Variants in NINL observed in about 807,000 individuals in gnomAD.
The protein encoded by NINL is ninein-like protein.
In NINL, 153 loss-of-function variants were observed where a neutral mutation model predicts 160.3. That is an observed-to-expected ratio of 0.95 (90% CI 0.84 to 1.09). NINL has a LOEUF of 1.09. Among genes scored for constraint, NINL ranks in the 50% least tolerant of loss-of-function variants. NINL has a pLI of 0.00. For synonymous variants in NINL, 800 were observed against 734.8 expected, an observed-to-expected ratio of 1.09 and a Z score of -1.43; for missense variants, 1,829 against 1,764.0, an observed-to-expected ratio of 1.04 and a Z score of -0.66.
intron 2 of NINL, among the ~76,000 whole-genome samples, chr20:25,525,608 G>A (rs1204050512): frequency 2.0e-5 from 3 of 152,100 alleles, no homozygotes; most frequent in Non-Finnish European, 4.4e-5. Context: ...GAGCTGAGAC[G>A]GCTCCACTAC....
intron 1 of NINL, among the ~76,000 whole-genome samples, chr20:25,531,524 G>T (rs1008065940): frequency 3.9e-5 from 6 of 152,170 alleles, no homozygotes; most frequent in Non-Finnish European, 7.3e-5. Flanking sequence ...GTATTAATTT[G>T]GGGATCTAAT....
At position 25,498,327 on chromosome 20, in the gene NINL, T is replaced by G; in HGVS notation, c.1052A>C (p.Asp351Ala). The change falls in exon 9 of 24, where the codon GAC becomes GCC. Residue 351 changes from aspartate to alanine, a missense_variant. Transcript: ENST00000278886. ...EILQSLDFSVDEKVNLLELTW... is the reference protein window; with the variant it reads ...EILQSLDFSVAEKVNLLELTW... ...CAGCTCCAGAAGGTTCACCTTCTCG[T>G]CCACGCTGAAGTCCAGGCTCTGGAA... 6.2e-7 allele frequency: 1 copy of G among 1,612,964 alleles called. No homozygotes were observed. Among genetic ancestry groups the G allele is most frequent in the Non-Finnish European group, 8.5e-7 (1 of 1,180,008 alleles).
chr20:25,519,018 A>G (rs909337366), intron 2 of NINL, among the ~76,000 whole-genome samples: 12 of 147,988 alleles, frequency 8.1e-5, no homozygotes, highest in African/African-American at 2.8e-4. Context: ...AATCACTTGA[A>G]CCCAGGAGGC....
chr20:25,526,788 G>A (rs1015893623), intron 1 of NINL, among the ~76,000 whole-genome samples, 190 bp from the exon 2 acceptor site: 1 of 152,206 alleles, frequency 6.6e-6, no homozygotes, highest in African/African-American at 2.4e-5. Flanking sequence ...TTGCAGGAGA[G>A]GCCAGAGCAG....
intron 1 of NINL, among the ~76,000 whole-genome samples, chr20:25,564,985 C>T (rs1399477201): frequency 6.6e-6 from 1 of 152,114 alleles, no homozygotes; most frequent in Non-Finnish European, 1.5e-5. Flanking sequence ...CTGATGATTG[C>T]TGGAAGCTGA....
intron 1 of NINL, among the ~76,000 whole-genome samples, chr20:25,577,416 T>C (rs1249960000): frequency 2.0e-5 from 3 of 152,160 alleles, no homozygotes; most frequent in Non-Finnish European, 4.4e-5. Flanking sequence ...GGCCGGACAG[T>C]CCAGCACATC....
chr20:25,532,754 C>T (rs1430665294), intron 1 of NINL, among the ~76,000 whole-genome samples: 1 of 152,214 alleles, frequency 6.6e-6, no homozygotes, highest in Admixed American at 6.5e-5. Flanking sequence ...GACAATTTGC[C>T]AGCATATGGC....
chr20:25,580,596 A>C (rs1320227868), intron 1 of NINL, among the ~76,000 whole-genome samples: 3 of 152,192 alleles, frequency 2.0e-5, no homozygotes, highest in Admixed American at 1.3e-4. Flanking sequence ...CGGGTTCAGA[A>C]AGGGAAGTAC....
At chr20:25,548,462 G>A (rs1256277098) in intron 1 of NINL, among the ~76,000 whole-genome samples, 2 of 152,066 alleles carry the variant, frequency 1.3e-5, no homozygotes, top group African/African-American at 4.8e-5. Flanking sequence ...GGCTGGCCCT[G>A]AGCACCCACA....
In NINL at chr20:25,491,526, CTG is replaced by C. The variant is rs767534303; in HGVS notation, c.1311-3_1311-2del. 11 of 1,613,050 alleles carry C rather than the reference CTG, an allele frequency of 6.8e-6. No homozygotes were observed. In the East Asian group the frequency reaches 2.5e-4, roughly 36 times the overall value. On this transcript the variant is annotated splice_acceptor_variant and splice_polypyrimidine_tract_variant and intron_variant, in intron 10 of 23. Transcript: ENST00000278886. LOFTEE classifies it high-confidence loss of function. ...TTCCCGGTACCCCTGCTCCAGATGC[CTG>C]TAACATGTCACACATCACACGTCAG...
At chr20:25,458,344 C>T (rs1331481993) in intron 22 of NINL, 39 bp downstream of exon 22, 1 of 1,602,080 alleles carries the variant, frequency 6.2e-7, no homozygotes, top group East Asian at 2.2e-5. Context: ...CACCCTCCTC[C>T]TCATCTCGTC....
chr20:25,498,159 C>A, intron 9 of NINL, 51 bp downstream of exon 9: 1 of 1,603,632 alleles, frequency 6.2e-7, no homozygotes, highest in Non-Finnish European at 8.5e-7. Context: ...CCCTCCAGGC[C>A]CACCTGGCCA....
At chr20:25,500,749 C>T (rs1053983944) in intron 8 of NINL, 91 bp downstream of exon 8, 11 of 1,423,420 alleles carry the variant, frequency 7.7e-6, no homozygotes, top group Non-Finnish European at 1.1e-5. Flanking sequence ...CCTGCTGGGT[C>T]CCCTGGCTTG....
At chr20:25,503,902 A>G (rs1444799089) in intron 7 of NINL, 50 bp downstream of exon 7, 10 of 1,606,012 alleles carry the variant, frequency 6.2e-6, no homozygotes, top group Non-Finnish European at 8.5e-6. Context: ...TAGTCACCAG[A>G]GAGTGACAGC....
chr20:25,486,497 G>T (rs1331742290), intron 13 of NINL, among the ~76,000 whole-genome samples: 1 of 152,170 alleles, frequency 6.6e-6, no homozygotes, highest in Non-Finnish European at 1.5e-5. Context: ...AGAGGAGGAA[G>T]CCAGCAGCCC....
intron 1 of NINL, chr20:25,540,142 C>T (rs2147049753): frequency 3.7e-6 from 3 of 812,056 alleles, no homozygotes; most frequent in Non-Finnish European, 5.4e-6. Flanking sequence ...ATCTGGCCAG[C>T]ATTCAGCAGC....
chr20:25,531,654 C>T (rs578001757), intron 1 of NINL, among the ~76,000 whole-genome samples: 2 of 152,328 alleles, frequency 1.3e-5, no homozygotes, highest in South Asian at 4.1e-4. Flanking sequence ...CATCGAACAT[C>T]CCTGCTCCTT....
chr20:25,535,675 AAATTT>A (rs558737713), intron 1 of NINL, among the ~76,000 whole-genome samples: 40 of 152,282 alleles, frequency 2.6e-4, no homozygotes, highest in African/African-American at 9.4e-4. Context: ...TACCACCATT[AAATTT>A]AAGTAAAACA....
chr20:25,539,705 C>A (rs1018344580), intron 1 of NINL, among the ~76,000 whole-genome samples: 2 of 152,192 alleles, frequency 1.3e-5, no homozygotes, highest in Non-Finnish European at 2.9e-5. Context: ...AATGACAGAA[C>A]ACTGAGGGGA....
Sources: allele counts gnomAD v4.1 joint callset (sites outside exome capture counted in the v4.1 genomes callset), GRCh38; gene constraint gnomAD v4.1.1; transcripts MANE v1.5; gene names NCBI Gene and HGNC (gene_info 2026-07-23, HGNC 2026-07-21).